Variants in ACSL1 observed in about 807,000 individuals in gnomAD.
The protein encoded by ACSL1 is long-chain-fatty-acid--CoA ligase 1.
ACSL1 carries 41 observed loss-of-function variants against 98.4 expected under a neutral mutation model. The observed-to-expected ratio is 0.42, with a 90% CI of 0.32 to 0.54. ACSL1 has a LOEUF of 0.54. ACSL1 is among the 20% of genes least tolerant of loss of function. The pLI is 0.13. For missense variants in ACSL1, 734 were observed against 883.1 expected (o/e 0.83, Z 2.14); for synonymous variants, 316 against 322.7 (o/e 0.98, Z 0.22).
chr4:184,767,209 G>T (rs938515110), intron 12 of ACSL1, among the ~76,000 whole-genome samples: 5 of 151,052 alleles, frequency 3.3e-5, no homozygotes, highest in South Asian at 2.1e-4. Flanking sequence ...TTGAGCCCTG[G>T]AGGTGGAGGC....
chr4:184,804,933 T>G (rs561514295), intron 1 of ACSL1, among the ~76,000 whole-genome samples: 1 of 152,150 alleles, frequency 6.6e-6, no homozygotes, highest in Non-Finnish European at 1.5e-5. Flanking sequence ...AAGAAGCTTC[T>G]GCACAGCAAA....
At chr4:184,805,445 C>T in intron 1 of ACSL1, 1 of 985,082 alleles carries the variant, frequency 1.0e-6, no homozygotes, top group Non-Finnish European at 1.2e-6. Context: ...TTTACCATGA[C>T]AGCAAAGAAA....
chr4:184,819,288 G>A (rs572854349), intron 1 of ACSL1, among the ~76,000 whole-genome samples: 3 of 151,758 alleles, frequency 2.0e-5, no homozygotes, highest in Non-Finnish European at 4.4e-5. Flanking sequence ...GATTACAGGC[G>A]CCTGCCACCA....
At chr4:184,814,550 G>T (rs991995563) in intron 1 of ACSL1, among the ~76,000 whole-genome samples, 2 of 152,062 alleles carry the variant, frequency 1.3e-5, no homozygotes, top group African/African-American at 4.8e-5. Flanking sequence ...TTACTACTAT[G>T]TTGTTGTTCT....
chr4:184,768,182 G>C, intron 12 of ACSL1, 134 bp downstream of exon 12: 1 of 950,848 alleles, frequency 1.1e-6, no homozygotes, highest in Non-Finnish European at 1.5e-6. Flanking sequence ...TTACAGATGA[G>C]TAAACTGAAG....
At chr4:184,794,180 T>G (rs1187896587) in intron 2 of ACSL1, among the ~76,000 whole-genome samples, 2 of 151,376 alleles carry the variant, frequency 1.3e-5, no homozygotes, top group Admixed American at 1.3e-4. Context: ...TGCTCAGAAC[T>G]CCATCATGTG....
At chr4:184,788,545 A>T (rs1767806923) in intron 3 of ACSL1, 72 bp downstream of exon 3, 2 of 1,232,982 alleles carry the variant, frequency 1.6e-6, no homozygotes, top group African/African-American at 1.5e-5. Context: ...GCAAATGTGC[A>T]TTTCTGAAAG....
rs1762108832 is a variant in ACSL1 at position 184,756,225 on chromosome 4, G to A, written c.*900C>T. 6.6e-6 allele frequency: 1 copy of A among 152,624 alleles called. No homozygotes were observed. Among genetic ancestry groups the A allele is most frequent in the South Asian group, 2.1e-4 (1 of 4,834 alleles). The allele number at this position is 152,624 out of a possible 1,614,324, so 9.5% of individuals were successfully genotyped here. On this transcript the variant is annotated 3_prime_UTR_variant, in exon 21 of 21. Transcript: ENST00000281455. ...TTAAAAATCTGTTGGCCTTTACACA[G>A]AGTGAGTGGTTCAGTGAAGATAAAG...
chr4:184,764,978 CTGGAAG>C, intron 14 of ACSL1, 53 bp from the exon 15 acceptor site: 1 of 1,557,642 alleles, frequency 6.4e-7, no homozygotes, highest in Non-Finnish European at 8.8e-7. Flanking sequence ...CACACCTTTA[CTGGAAG>C]TGCACAAGCA....
intron 11 of ACSL1, 60 bp from the exon 12 acceptor site, chr4:184,768,510 T>C (rs979405559): frequency 3.2e-6 from 5 of 1,552,158 alleles, no homozygotes; most frequent in African/African-American, 2.8e-5. Context: ...ACACAACATA[T>C]GGACAACATC....
At chr4:184,772,245 A>C (rs1764625559) in intron 10 of ACSL1, among the ~76,000 whole-genome samples, 1 of 152,178 alleles carries the variant, frequency 6.6e-6, no homozygotes, top group Non-Finnish European at 1.5e-5. Context: ...GGGCATTTGG[A>C]AAGTGTGAGC....
At chr4:184,775,559 C>T (rs1303081814) in intron 7 of ACSL1, among the ~76,000 whole-genome samples, 2 of 152,114 alleles carry the variant, frequency 1.3e-5, no homozygotes, top group Non-Finnish European at 2.9e-5. Context: ...TGCGGAATCA[C>T]GTTCGATGCT....
At chr4:184,801,094 A>C (rs1373634722) in intron 2 of ACSL1, among the ~76,000 whole-genome samples, 2 of 151,848 alleles carry the variant, frequency 1.3e-5, no homozygotes, top group Non-Finnish European at 2.9e-5. Flanking sequence ...GGCCTCAAGC[A>C]ATCCTCTCAC....
chr4:184,794,895 T>C (rs1769071886), intron 2 of ACSL1, among the ~76,000 whole-genome samples: 1 of 147,950 alleles, frequency 6.8e-6, no homozygotes, highest in South Asian at 2.1e-4. Context: ...CCATCTCCAG[T>C]TTCCAACTTC....
At chr4:184,815,155 A>C (rs1252495309) in intron 1 of ACSL1, 1 of 455,062 alleles carries the variant, frequency 2.2e-6, no homozygotes, top group Non-Finnish European at 4.4e-6. Flanking sequence ...CGCATGCACC[A>C]GGCATCCGAG....
chr4:184,760,436 A>G lies in ACSL1; in HGVS notation c.1703T>C (p.Ile568Thr). The G allele has an allele frequency of 1.2e-6, 2 of 1,614,186 alleles. No homozygotes were observed. The highest frequency in any genetic ancestry group is 1.7e-6 in the Non-Finnish European group (2 of 1,180,028). The change falls in exon 18 of 21, where the codon ATA becomes ACA. Residue 568 changes from isoleucine to threonine, a missense_variant. By Grantham distance (89) the Ile-to-Thr change is moderately conservative. Transcript: ENST00000281455. The part of the protein sequence containing the change: ...HIFKLAQGEY[I>T]APEKIENIYM... ...GATATTTTCAATCTTTTCAGGGGCTATGTATTCTCCTTGTGCCAGCTTAAA... is the reference window on the plus strand; with the variant it reads ...GATATTTTCAATCTTTTCAGGGGCTGTGTATTCTCCTTGTGCCAGCTTAAA...
chr4:184,789,549 A>G (rs1247178435), intron 2 of ACSL1, among the ~76,000 whole-genome samples: 2 of 152,264 alleles, frequency 1.3e-5, no homozygotes, highest in Admixed American at 1.3e-4. Flanking sequence ...AAACATATGC[A>G]TGTGCAGACA....
At chr4:184,808,240 T>C (rs1579955436) in intron 1 of ACSL1, 6 of 811,610 alleles carry the variant, frequency 7.4e-6, no homozygotes, top group Non-Finnish European at 8.9e-6. Flanking sequence ...TACACAAACA[T>C]ACACACACAC....
At position 184,803,459 on chromosome 4, in the gene ACSL1, C is replaced by A. The variant is rs761830717; in HGVS notation, c.56G>T (p.Arg19Leu). Residue 19 changes from arginine to leucine, a missense_variant, in exon 2 of 21, where the codon CGA (arginine) becomes CTA (leucine). Physicochemically the swap from Arg to Leu is moderately radical, Grantham distance 102 (BLOSUM62 -2). Coordinates refer to ENST00000281455, the MANE Select transcript of ACSL1 (RefSeq NM_001995.5). The surrounding 1 kb of genome is among the most constrained non-coding windows in gnomAD (Gnocchi z 4.8). ...GGTCGGAAGAGTACGCACGTACTGT[C>A]GGAAGTCAACCAGCTCTGGCATTCG... is the stretch of plus-strand genomic sequence containing the variant. The part of the protein sequence containing the change: ...YFRMPELVDF[R>L]QYVRTLPTNT... The A allele has an allele frequency of 2.6e-5, 42 of 1,611,892 alleles. No individual in the cohort carries two copies. Among genetic ancestry groups the A allele is most frequent in the Non-Finnish European group, 3.3e-5 (39 of 1,178,946 alleles).
Sources: allele counts gnomAD v4.1 joint callset (sites outside exome capture counted in the v4.1 genomes callset), GRCh38; gene constraint gnomAD v4.1.1; non-coding constraint Gnocchi (gnomAD v3.1); transcripts MANE v1.5; gene names NCBI Gene and HGNC (gene_info 2026-07-23, HGNC 2026-07-21).